The following PRSS36 variants were observed in gnomAD, a reference collection of about 807,000 sequenced individuals.
PRSS36 encodes the protein serine protease 36.
PRSS36 carries 90 observed loss-of-function variants against 94.3 expected under a neutral mutation model. The ratio of observed to expected loss-of-function variants is 0.95; its 90% confidence interval spans 0.80 to 1.14. The LOEUF is 1.14. PRSS36 is among the 50% of genes most tolerant of loss of function. The pLI is 0.00. For missense variants in PRSS36, 1,158 were observed against 1,135.0 expected (o/e 1.02, Z -0.29); for synonymous variants, 500 against 489.6 (o/e 1.02, Z -0.28).
Position 31,139,358 on chromosome 16 carries a change from CCCA to C in PRSS36, c.2345_2347del (p.Val782del). The C allele has an allele frequency of 3.7e-6, 6 of 1,614,132 alleles. No individual in the cohort carries two copies. Among genetic ancestry groups the C allele is most frequent in the Non-Finnish European group, 5.1e-6 (6 of 1,180,020 alleles). ...CTCCCGGCTCCCTTGAACAGCCATG[CCCA>C]CGAGGATCCAGGACCCTTCCGTCAT... On this transcript the variant is annotated inframe_deletion, in exon 15 of 15. Transcript: ENST00000268281.
chr16:31,140,307 TCCTG>T lies in PRSS36; in HGVS notation c.2272_2275del (p.Gln758ArgfsTer6), dbSNP rs1461132673. 6.2e-7 allele frequency: 1 copy of T among 1,612,212 alleles called. No individual in the cohort carries two copies. Among genetic ancestry groups the T allele is most frequent in the African/African-American group, 1.3e-5 (1 of 74,862 alleles). On this transcript the variant is annotated frameshift_variant, in exon 14 of 15. Coordinates refer to ENST00000268281, the MANE Select transcript of PRSS36 (RefSeq NM_173502.5). LOFTEE classifies it low-confidence loss of function (END_TRUNC). Reference sequence around the variant, plus strand: ...AGGCCCCTGTACCTCACACCTGTTCTCCTGCCCCTCTGCATACAGGACACAGAGG... The same window carrying T: ...AGGCCCCTGTACCTCACACCTGTTCTCCCCTCTGCATACAGGACACAGAGG...
intron 2 of PRSS36, 68 bp downstream of exon 2, chr16:31,149,628 G>A: frequency 6.2e-7 from 1 of 1,608,702 alleles, no homozygotes; most frequent in South Asian, 1.1e-5. Flanking sequence ...ACCCCTGCCA[G>A]CACCCATGCC....
intron 9 of PRSS36, 27 bp downstream of exon 9, chr16:31,142,710 C>G: frequency 7.4e-7 from 1 of 1,348,486 alleles, no homozygotes; most frequent in East Asian, 3.1e-5. Context: ...CCGGTGCCGC[C>G]CGGCCCAGCG....
intron 6 of PRSS36, 55 bp downstream of exon 6, chr16:31,145,730 CTATT>C: frequency 1.3e-6 from 2 of 1,517,774 alleles, no homozygotes; most frequent in East Asian, 2.3e-5. Context: ...TGTCCTTTAT[CTATT>C]TGTCACTGGT....
rs753712876 is a variant in PRSS36 at position 31,142,955 on chromosome 16, G to A, written c.1139C>T (p.Ala380Val). 6.9e-7 allele frequency: 1 copy of A among 1,445,006 alleles called. No homozygotes were observed. The allele number at this position is 1,445,006 out of a possible 1,614,324, so 89.5% of individuals were successfully genotyped here. Residue 380 changes from alanine (A) to valine (V), a missense_variant, in exon 9 of 15, where the codon GCC (alanine) becomes GTC (valine). By Grantham distance (64) the Ala-to-Val change is moderately conservative (BLOSUM62 0). Coordinates refer to ENST00000268281, the MANE Select transcript of PRSS36 (RefSeq NM_173502.5). ...SSDSPPRDLD[A>V]WRVLLPSRPR... ...GCGCGAGGGCAGCAGCACGCGCCAGGCGTCGAGGTCGCGGGGTGGGCTGTC... is the reference window on the plus strand; with the variant it reads ...GCGCGAGGGCAGCAGCACGCGCCAGACGTCGAGGTCGCGGGGTGGGCTGTC...
rs139466464 is a variant in PRSS36 at position 31,144,309 on chromosome 16, G to C, written c.721-472C>G. Among the ~76,000 whole-genome samples the C allele has an allele frequency of 5.7e-3, 872 of 152,142 alleles. 3 individuals carry two copies. Among genetic ancestry groups the C allele is most frequent in the Non-Finnish European group, 0.01 (707 of 68,020 alleles). On this transcript the variant is annotated intron_variant, in intron 6 of 14. Transcript: ENST00000268281. Reference sequence around the variant, plus strand: ...CCTGCCTCAGCTTCCCGAGTAGCTGGGACTACAGGTGTACACCACCACAGC... The same window carrying C: ...CCTGCCTCAGCTTCCCGAGTAGCTGCGACTACAGGTGTACACCACCACAGC...
At chr16:31,142,406 G>T (rs926292526) in intron 10 of PRSS36, 75 bp downstream of exon 10, 47 of 1,370,510 alleles carry the variant, frequency 3.4e-5, no homozygotes, top group Non-Finnish European at 4.1e-5. Flanking sequence ...ACTTGGACTC[G>T]CCTTCCACAG....
chr16:31,146,841 C>T (rs1207395442), intron 5 of PRSS36, among the ~76,000 whole-genome samples: 4 of 151,968 alleles, frequency 2.6e-5, no homozygotes, highest in African/African-American at 4.8e-5. Flanking sequence ...ATTAGCTGGG[C>T]GTGGTGGTGG....
chr16:31,149,352 G>C (rs1384786707), intron 3 of PRSS36, 111 bp downstream of exon 3: 26 of 1,536,804 alleles, frequency 1.7e-5, no homozygotes, highest in Non-Finnish European at 2.1e-5. Flanking sequence ...TCTGAACAAA[G>C]AACATAGAGG....
intron 3 of PRSS36, 69 bp downstream of exon 3, chr16:31,149,394 C>G: frequency 6.3e-7 from 1 of 1,586,568 alleles, no homozygotes; most frequent in Non-Finnish European, 8.6e-7. Context: ...TGGTCTTTTC[C>G]ACCTCCCTCA....
rs751661423 is a variant in PRSS36, at chr16:31,142,578, A to T, written c.1424T>A (p.Leu475Gln). Residue 475 changes from leucine to glutamine, a missense_variant, in exon 10 of 15, where the codon CTG becomes CAG. Physicochemically the swap from Leu to Gln is moderately radical, Grantham distance 113 (BLOSUM62 -2). Transcript: ENST00000268281. ...TACTGCCGCCCCCTGGCGGCCGTAC[A>T]GGCAGTGGCACCACCAGCCGCCTAA... is the stretch of plus-strand genomic sequence containing the variant. ...ELLGGWWCHCLYGRQGAAVPL... is the reference protein window; with the variant it reads ...ELLGGWWCHCQYGRQGAAVPL... 7.9e-6 allele frequency: 12 copies of T among 1,524,196 alleles called. No homozygotes were observed. The South Asian group carries it at 1.4e-4, about 18-fold the overall frequency. 94.4% of individuals were successfully genotyped at this position (1,524,196 alleles called of 1,614,324 possible). A position where few individuals can be genotyped will look rare whatever the true frequency, so the allele number is the denominator to read the frequency against.
chr16:31,142,468 C>T lies in PRSS36; in HGVS notation c.1521+13G>A, dbSNP rs1186998296. The T allele has an allele frequency of 6.9e-7, 1 of 1,444,816 alleles. No individual in the cohort carries two copies. Among genetic ancestry groups the T allele is most frequent in the African/African-American group, 1.5e-5 (1 of 68,108 alleles). 89.5% of individuals were successfully genotyped at this position (1,444,816 alleles called of 1,614,324 possible). ...CGGGCCCGCGTTCCGCGGGCCCCGC[C>T]CCCGCCGCTTACCCAGCAGCTGCCC... On this transcript the variant is annotated intron_variant, in intron 10 of 14. Coordinates refer to ENST00000268281, the MANE Select transcript of PRSS36 (RefSeq NM_173502.5).
intron 6 of PRSS36, among the ~76,000 whole-genome samples, chr16:31,145,276 G>GGCTAGGAGGTTCAC (rs2057779854): frequency 6.9e-6 from 1 of 145,856 alleles, no homozygotes; most frequent in Non-Finnish European, 1.5e-5. Flanking sequence ...GGGAGGCTGA[G>GGCTAGGAGGTTCAC]GCAGGAGAAT....
In PRSS36 at chr16:31,143,578, G is replaced by C. The variant is rs768860276; in HGVS notation, c.970+10C>G. On this transcript the variant is annotated intron_variant, in intron 7 of 14. Transcript: ENST00000268281. ...TGTCCCGCTTACATCCAGGGGTGCCGCCCACTCACCAGGCAGGGCAATGGT... is the reference window on the plus strand; with the variant it reads ...TGTCCCGCTTACATCCAGGGGTGCCCCCCACTCACCAGGCAGGGCAATGGT... The C allele has an allele frequency of 1.2e-6, 2 of 1,613,764 alleles. No individual in the cohort carries two copies. The highest frequency in any genetic ancestry group is 4.5e-5 in the East Asian group (2 of 44,866).
chr16:31,141,376 T>TAAACAATC, intron 12 of PRSS36, 93 bp downstream of exon 12: 1 of 1,350,252 alleles, frequency 7.4e-7, no homozygotes, highest in Non-Finnish European at 1.0e-6. Flanking sequence ...TAATTTTTTT[T>TAAACAATC]AAACAAACAA....
Position 31,149,483 on chromosome 16 carries a change from T to A in PRSS36, c.89A>T (p.Gln30Leu). ...AFQDSALSPT[Q>L]EEPEDLDCGR... ...CTTACCCAGATCTTCAGGTTCTTCCTGGGTAGGACTGAGAGCTGGGAGCCA... is the reference window on the plus strand; with the variant it reads ...CTTACCCAGATCTTCAGGTTCTTCCAGGGTAGGACTGAGAGCTGGGAGCCA... The change falls in exon 3 of 15, where the codon CAG (glutamine) becomes CTG (leucine). Residue 30 changes from glutamine to leucine, a missense_variant. Transcript: ENST00000268281. 1 of 1,614,132 alleles carries A rather than the reference T, an allele frequency of 6.2e-7. No individual in the cohort carries two copies. The highest frequency in any genetic ancestry group is 8.5e-7 in the Non-Finnish European group (1 of 1,180,014).
Position 31,145,907 on chromosome 16 carries a change from A to G in PRSS36, c.602T>C (p.Leu201Pro). 1 of 1,613,978 alleles carries G rather than the reference A, an allele frequency of 6.2e-7. No homozygotes were observed. Among genetic ancestry groups the G allele is most frequent in the Non-Finnish European group, 8.5e-7 (1 of 1,179,946 alleles). Reference sequence around the variant, plus strand: ...GAGACATTGACAGGTGGCCTCGCCCAGCAGCCTTAGCTCCACTTCCTGTAG... The same window carrying G: ...GAGACATTGACAGGTGGCCTCGCCCGGCAGCCTTAGCTCCACTTCCTGTAG... ...WVLQEVELRL[L>P]GEATCQCLYS... Residue 201 changes from leucine (L) to proline (P), a missense_variant, in exon 6 of 15, where the codon CTG becomes CCG. Coordinates refer to ENST00000268281, the MANE Select transcript of PRSS36 (RefSeq NM_173502.5).
intron 8 of PRSS36, 110 bp from the exon 9 acceptor site, chr16:31,143,103 C>A: frequency 1.5e-6 from 2 of 1,354,912 alleles, no homozygotes; most frequent in Non-Finnish European, 1.9e-6. Flanking sequence ...GGCGGGATCC[C>A]CACGACACCC....
At position 31,140,566 on chromosome 16, in the gene PRSS36, A is replaced by T. The variant is rs749190238; in HGVS notation, c.2093T>A (p.Ile698Asn). The change falls in exon 13 of 15, where the codon ATC becomes AAC. Residue 698 changes from isoleucine to asparagine, a missense_variant. Physicochemically the swap from Ile to Asn is moderately radical, Grantham distance 149. Coordinates refer to ENST00000268281, the MANE Select transcript of PRSS36 (RefSeq NM_173502.5). ...RVEPSPSALP[I>N]CLHPAGIPPG... ...GGGGATACCCGCCGGGTGGAGACAG[A>T]TGGGCAGGGCTGATGGGGAGGGCTC... The T allele has an allele frequency of 4.4e-5, 70 of 1,595,996 alleles. No homozygotes were observed. Among genetic ancestry groups the T allele is most frequent in the Non-Finnish European group, 5.8e-5 (68 of 1,171,102 alleles).
Sources: allele counts gnomAD v4.1 joint callset (sites outside exome capture counted in the v4.1 genomes callset), GRCh38; gene constraint gnomAD v4.1.1; transcripts MANE v1.5; gene names NCBI Gene and HGNC (gene_info 2026-07-23, HGNC 2026-07-21).